The following FNDC3B variants were observed in gnomAD, a reference collection of about 807,000 sequenced individuals.
The protein encoded by FNDC3B is fibronectin type III domain containing 3B.
In FNDC3B, 12 loss-of-function variants were observed where a neutral mutation model predicts 151.5. That is an observed-to-expected ratio of 0.08 (90% CI 0.05 to 0.13). FNDC3B has a LOEUF of 0.13. Ranked by LOEUF, FNDC3B falls within the 10% of genes least tolerant of loss-of-function variation. The pLI is 1.00. For missense variants in FNDC3B, 1,214 were observed against 1,505.3 expected, an observed-to-expected ratio of 0.81 and a Z score of 3.20; for synonymous variants, 528 against 549.0, an observed-to-expected ratio of 0.96 and a Z score of 0.54.
chr3:172,157,204 A>G (rs962673353), intron 3 of FNDC3B, among the ~76,000 whole-genome samples: 1 of 152,204 alleles, frequency 6.6e-6, no homozygotes, highest in Non-Finnish European at 1.5e-5. Context: ...TGAAGAAACA[A>G]AGGTCCAGAT....
chr3:172,252,204 GTTTAGAGAGAACCTAT>G (rs1383672490), intron 6 of FNDC3B, among the ~76,000 whole-genome samples: 1 of 152,072 alleles, frequency 6.6e-6, no homozygotes, highest in African/African-American at 2.4e-5. Flanking sequence ...TTTGGAGGTA[GTTTAGAGAGAACCTAT>G]TTTGATGCCA....
chr3:172,092,347 A>T (rs2108511875), intron 1 of FNDC3B, among the ~76,000 whole-genome samples: 1 of 152,332 alleles, frequency 6.6e-6, no homozygotes, highest in East Asian at 1.9e-4. Flanking sequence ...TGTGTTAGGT[A>T]TACATTTTCT....
chr3:172,391,762 C>T (rs1021054613), intron 25 of FNDC3B, among the ~76,000 whole-genome samples: 3 of 152,104 alleles, frequency 2.0e-5, no homozygotes, highest in African/African-American at 4.8e-5. Context: ...GATAGGGAAA[C>T]CAAAGCCCAG....
chr3:172,306,581 G>A (rs1731211802), intron 9 of FNDC3B, among the ~76,000 whole-genome samples: 1 of 152,158 alleles, frequency 6.6e-6, no homozygotes, highest in Non-Finnish European at 1.5e-5. Flanking sequence ...ATAAAAAATG[G>A]AATAGTAGGA....
At chr3:172,110,393 A>C (rs1470368285) in intron 1 of FNDC3B, among the ~76,000 whole-genome samples, 1 of 152,110 alleles carries the variant, frequency 6.6e-6, no homozygotes, top group Non-Finnish European at 1.5e-5. Context: ...GAGTATAGAC[A>C]GCTTCAGCCC....
intron 25 of FNDC3B, among the ~76,000 whole-genome samples, chr3:172,393,485 A>G (rs1736124004): frequency 6.6e-6 from 1 of 152,234 alleles, no homozygotes; most frequent in African/African-American, 2.4e-5. Context: ...GGCTTGAACA[A>G]TACTGTAGAC....
At chr3:172,137,214 A>G (rs376832425) in intron 3 of FNDC3B, among the ~76,000 whole-genome samples, 35 of 152,286 alleles carry the variant, frequency 2.3e-4, no homozygotes, top group African/African-American at 8.2e-4. Flanking sequence ...TTGAAATCAC[A>G]TTGTATGAGG....
chr3:172,176,173 A>G (rs554684317), intron 3 of FNDC3B, among the ~76,000 whole-genome samples: 3 of 152,364 alleles, frequency 2.0e-5, no homozygotes, highest in South Asian at 2.1e-4. Context: ...TTGAATTAAT[A>G]GAAGAGCCCT....
At chr3:172,140,749 G>A (rs1477535861) in intron 3 of FNDC3B, among the ~76,000 whole-genome samples, 1 of 152,178 alleles carries the variant, frequency 6.6e-6, no homozygotes, top group Non-Finnish European at 1.5e-5. Flanking sequence ...ACCAAACTAT[G>A]TTGCTTTCCT....
chr3:172,115,738 A>G (rs184465703), intron 2 of FNDC3B, among the ~76,000 whole-genome samples: 15 of 152,246 alleles, frequency 9.9e-5, no homozygotes, highest in African/African-American at 2.6e-4. Flanking sequence ...CACCTCTCAC[A>G]TCATACAGTT....
At chr3:172,154,829 C>G (rs146403631) in intron 3 of FNDC3B, among the ~76,000 whole-genome samples, 3 of 152,116 alleles carry the variant, frequency 2.0e-5, no homozygotes, top group Non-Finnish European at 4.4e-5. Context: ...TTTAATCTGT[C>G]TCCTGCTTTT....
chr3:172,084,405 G>A (rs1718440379), intron 1 of FNDC3B, among the ~76,000 whole-genome samples: 1 of 131,014 alleles, frequency 7.6e-6, no homozygotes, highest in Admixed American at 8.2e-5. Flanking sequence ...GAGCTGAGAT[G>A]GTGCCACTGC....
chr3:172,249,243 G>T (rs1417608642), intron 5 of FNDC3B, among the ~76,000 whole-genome samples: 1 of 152,124 alleles, frequency 6.6e-6, no homozygotes, highest in Non-Finnish European at 1.5e-5. Flanking sequence ...GTATATGTCT[G>T]ACTTGCCTTA....
At position 172,398,285 on chromosome 3, in the gene FNDC3B, C is replaced by A. The variant is rs1325777337; in HGVS notation, c.*810C>A. On this transcript the variant is annotated 3_prime_UTR_variant, in exon 26 of 26. Coordinates refer to ENST00000415807, the MANE Select transcript of FNDC3B (RefSeq NM_022763.4). ...GTTTGTTTGTCTTTGTATATAACTA[C>A]TTCTAATCTAATCACTAGAGTTATT... 2.0e-5 allele frequency: 3 copies of A among 152,634 alleles called. No individual in the cohort carries two copies. Among genetic ancestry groups the A allele is most frequent in the African/African-American group, 7.2e-5 (3 of 41,444 alleles). The allele number at this position is 152,634 out of a possible 1,614,324, so 9.5% of individuals were successfully genotyped here.
At chr3:172,252,334 A>G (rs949488167) in intron 6 of FNDC3B, among the ~76,000 whole-genome samples, 2 of 152,106 alleles carry the variant, frequency 1.3e-5, no homozygotes, top group African/African-American at 4.8e-5. Context: ...ATAGATATAA[A>G]TGACTGGAAA....
intron 1 of FNDC3B, among the ~76,000 whole-genome samples, chr3:172,088,839 T>C (rs117126187): frequency 2.0e-5 from 3 of 152,376 alleles, no homozygotes; most frequent in East Asian, 1.9e-4. Context: ...GTGTTGACAG[T>C]ATTCTCCTGT....
intron 9 of FNDC3B, among the ~76,000 whole-genome samples, chr3:172,299,045 A>T (rs1311521303): frequency 6.6e-6 from 1 of 152,226 alleles, no homozygotes; most frequent in Admixed American, 6.5e-5. Context: ...TGGTCTTCTA[A>T]GATCTATTGG....
intron 3 of FNDC3B, among the ~76,000 whole-genome samples, chr3:172,149,806 G>GTTTTTTTTTTTTGTTTTGTTTT (rs1722115733): frequency 5.7e-5 from 3 of 52,508 alleles, no homozygotes; most frequent in Admixed American, 3.6e-4. Context: ...TATGTTGGGT[G>GTTTTTTTTTTTTGTTTTGTTTT]TTTTTTTTTT....
chr3:172,347,786 AATAATCTGGACTAG>A (rs1174624924), intron 21 of FNDC3B, among the ~76,000 whole-genome samples: 2 of 152,206 alleles, frequency 1.3e-5, no homozygotes, highest in Admixed American at 6.5e-5. Flanking sequence ...TGGAGCCAAA[AATAATCTGGACTAG>A]TCTGCATTAG....
Sources: gnomAD v4.1 joint callset for allele counts (sites outside exome capture counted in the v4.1 genomes callset) on GRCh38, gnomAD v4.1.1 for gene constraint, MANE v1.5 for transcripts, NCBI Gene and HGNC (gene_info 2026-07-23, HGNC 2026-07-21) for gene names.